HIVEP3: variants seen among roughly 807,000 people sequenced by gnomAD.
HIVEP3 encodes the protein transcription factor HIVEP3.
HIVEP3 carries 49 observed loss-of-function variants against 152.8 expected under a neutral mutation model. The observed-to-expected ratio is 0.32, with a 90% CI of 0.26 to 0.41. The LOEUF (loss-of-function observed/expected upper bound fraction) is 0.41. Ranked by LOEUF, HIVEP3 falls within the 10% of genes least tolerant of loss-of-function variation. The probability of loss-of-function intolerance (pLI) is 1.00; values close to 1 mark genes in which losing one functional copy is unlikely to be tolerated. For missense variants in HIVEP3, 2,790 were observed against 3,103.3 expected, an observed-to-expected ratio of 0.90 and a Z score of 2.40; for synonymous variants, 1,269 against 1,289.0, an observed-to-expected ratio of 0.98 and a Z score of 0.33.
intron 1 of HIVEP3, among the ~76,000 whole-genome samples, chr1:41,706,654 A>G (rs1646438062): frequency 6.6e-6 from 1 of 152,224 alleles, no homozygotes; most frequent in Non-Finnish European, 1.5e-5. Context: ...CACAGTAAAG[A>G]GTGAAGATGG....
intron 1 of HIVEP3, among the ~76,000 whole-genome samples, chr1:41,868,586 T>A (rs774214335): frequency 2.0e-5 from 3 of 152,110 alleles, no homozygotes; most frequent in African/African-American, 4.8e-5. Flanking sequence ...ACTGAACTAG[T>A]CAATTATCTC....
At chr1:41,770,114 G>A (rs1436203638) in intron 1 of HIVEP3, among the ~76,000 whole-genome samples, 7 of 151,624 alleles carry the variant, frequency 4.6e-5, no homozygotes, top group African/African-American at 9.7e-5. Context: ...GACTACAGGC[G>A]CCCACCACCA....
intron 7 of HIVEP3, among the ~76,000 whole-genome samples, chr1:41,514,051 T>C (rs574620168): frequency 1.2e-4 from 19 of 152,322 alleles, no homozygotes; most frequent in Middle Eastern, 3.4e-3. Context: ...CTCATCCTCA[T>C]GTTACAGATG....
chr1:41,921,960 T>C (rs1039055683), upstream of HIVEP3, among the ~76,000 whole-genome samples: 14 of 151,846 alleles, frequency 9.2e-5, no homozygotes, highest in African/African-American at 3.4e-4. Flanking sequence ...ACAAAAGAGA[T>C]TTAAAAAATC....
intron 2 of HIVEP3, among the ~76,000 whole-genome samples, chr1:41,695,649 T>A (rs918774363): frequency 6.6e-6 from 1 of 152,188 alleles, no homozygotes; most frequent in African/African-American, 2.4e-5. Flanking sequence ...GGCTGCAGAC[T>A]GTGGAGGTTG....
intron 1 of HIVEP3, among the ~76,000 whole-genome samples, chr1:42,010,170 C>T (rs1645484967): frequency 6.6e-6 from 1 of 152,230 alleles, no homozygotes; most frequent in African/African-American, 2.4e-5. Flanking sequence ...GCTGAGATTA[C>T]AGGTGTGAGC....
intron 1 of HIVEP3, among the ~76,000 whole-genome samples, chr1:41,738,786 G>A (rs1295120874): frequency 1.3e-5 from 2 of 151,114 alleles, no homozygotes; most frequent in African/African-American, 4.9e-5. Flanking sequence ...GGCAGCTATA[G>A]GGATTCCTGG....
At chr1:41,656,897 C>T (rs1048209025) in intron 2 of HIVEP3, among the ~76,000 whole-genome samples, 9 of 152,192 alleles carry the variant, frequency 5.9e-5, no homozygotes, top group African/African-American at 1.9e-4. Flanking sequence ...AAGGCCTAGA[C>T]AGCACTCCAG....
At chr1:41,689,833 G>A (rs115583022) in intron 2 of HIVEP3, among the ~76,000 whole-genome samples, 262 of 152,334 alleles carry the variant, frequency 1.7e-3, no homozygotes, top group African/African-American at 6.1e-3. Flanking sequence ...TCCCACTAGG[G>A]TGGGGGTGCT....
At chr1:41,724,019 A>T (rs1307444764) in intron 1 of HIVEP3, among the ~76,000 whole-genome samples, 1 of 152,102 alleles carries the variant, frequency 6.6e-6, no homozygotes, top group Non-Finnish European at 1.5e-5. Context: ...CTGCCTGTAA[A>T]CTCAGAGGAT....
At chr1:41,602,099 G>A (rs1476326757) in intron 3 of HIVEP3, among the ~76,000 whole-genome samples, 2 of 152,056 alleles carry the variant, frequency 1.3e-5, no homozygotes, top group Non-Finnish European at 2.9e-5. Flanking sequence ...AATCCCACTT[G>A]GTCATGGTGT....
At chr1:41,947,346 T>A (rs1216526544) in intron 1 of HIVEP3, among the ~76,000 whole-genome samples, 3 of 152,206 alleles carry the variant, frequency 2.0e-5, no homozygotes, top group Admixed American at 6.5e-5. Context: ...TCAGCTCTGC[T>A]CACAACAGGT....
chr1:41,924,411 T>C (rs1644957571), intron 1 of HIVEP3, among the ~76,000 whole-genome samples: 1 of 151,806 alleles, frequency 6.6e-6, no homozygotes, highest in Admixed American at 6.6e-5. Context: ...ATGAGAAACA[T>C]AGTACTTCCT....
At chr1:42,021,966 C>T (rs998022491) in intron 1 of HIVEP3, among the ~76,000 whole-genome samples, 6 of 152,132 alleles carry the variant, frequency 3.9e-5, no homozygotes, top group Non-Finnish European at 5.9e-5. Context: ...TCCATCTGTC[C>T]GCTATGCTCT....
intron 7 of HIVEP3, among the ~76,000 whole-genome samples, chr1:41,515,399 G>T (rs1642574470): frequency 6.6e-6 from 1 of 152,224 alleles, no homozygotes; most frequent in South Asian, 2.1e-4. Flanking sequence ...TAGAGGCAGG[G>T]TGATGAGACC....
chr1:41,518,933 C>T lies in HIVEP3; in HGVS notation c.5384-445G>A, dbSNP rs114456815. Among the ~76,000 whole-genome samples the T allele has an allele frequency of 5.1e-3, 772 of 151,764 alleles. 7 individuals carry two copies. The highest frequency in any genetic ancestry group is 0.017 in the African/African-American group (720 of 41,390). On this transcript the variant is annotated intron_variant, in intron 6 of 8. Transcript: ENST00000372583. ...GATGACGTGGGAGGCTCCCATTGAC[C>T]GGCATGACGGGTGAGGACTGAGCAT...
At position 41,583,798 on chromosome 1, in the gene HIVEP3, A is replaced by T; in HGVS notation, c.1000T>A (p.Ser334Thr). 6.3e-7 allele frequency: 1 copy of T among 1,594,144 alleles called. No homozygotes were observed. The highest frequency in any genetic ancestry group is 8.6e-7 in the Non-Finnish European group (1 of 1,169,406). The part of the protein sequence containing the change: ...CSLSQSSTAQ[S>T]LEDPPPFVEP... The stretch of plus-strand genomic sequence containing the variant: ...ACAAATGGAGGGGGGTCTTCGAGTG[A>T]CTGGGCTGTGCTGGACTGGGACAGG... Residue 334 changes from serine (S) to threonine (T), a missense_variant, in exon 4 of 9, where the codon TCA (serine) becomes ACA (threonine). Ser to Thr is a moderately conservative substitution (Grantham distance 58, BLOSUM62 1). This residue lies in a region of HIVEP3 where 125 missense variants were observed against 130.1 expected (regional missense o/e 0.96). Coordinates refer to ENST00000372583, the MANE Select transcript of HIVEP3 (RefSeq NM_024503.5). The surrounding 1 kb of genome is among the most constrained non-coding windows in gnomAD (Gnocchi z 6.9).
intron 1 of HIVEP3, among the ~76,000 whole-genome samples, chr1:41,897,401 G>C (rs1050889059): frequency 6.6e-6 from 1 of 152,070 alleles, no homozygotes. Flanking sequence ...GAAGTGATGA[G>C]GTCATGAGGG....
chr1:41,966,253 C>T (rs1222618553), intron 1 of HIVEP3, among the ~76,000 whole-genome samples: 1 of 151,992 alleles, frequency 6.6e-6, no homozygotes, highest in East Asian at 1.9e-4. Flanking sequence ...AAGGAAAAAC[C>T]ATTACCAGCC....
Sources: allele counts gnomAD v4.1 joint callset (sites outside exome capture counted in the v4.1 genomes callset), GRCh38; gene constraint gnomAD v4.1.1; regional missense constraint gnomAD v4.1.1; non-coding constraint Gnocchi (gnomAD v3.1); transcripts MANE v1.5; gene names NCBI Gene and HGNC (gene_info 2026-07-23, HGNC 2026-07-21).